Variants in STRA8 observed in about 807,000 individuals in gnomAD.
STRA8 encodes stimulated by retinoic acid gene 8 protein homolog.
STRA8 carries 18 observed loss-of-function variants against 37.1 expected under a neutral mutation model. The ratio of observed to expected loss-of-function variants is 0.48; its 90% CI spans 0.34 to 0.72. The LOEUF is 0.72. STRA8 is among the 30% of genes least tolerant of loss of function. STRA8 has a pLI of 0.01. For synonymous variants in STRA8, 168 were observed against 162.9 expected (o/e 1.03, Z -0.24); for missense variants, 357 against 410.4 (o/e 0.87, Z 1.13).
At chr7:135,243,684 A>G (rs961437279) in intron 4 of STRA8, among the ~76,000 whole-genome samples, 5 of 152,388 alleles carry the variant, frequency 3.3e-5, no homozygotes, top group African/African-American at 4.8e-5. Flanking sequence ...CCAGAACTCA[A>G]AGAAAATCAA....
At chr7:135,256,087 C>T (rs1258312037) in intron 8 of STRA8, among the ~76,000 whole-genome samples, 1 of 152,168 alleles carries the variant, frequency 6.6e-6, no homozygotes, top group Admixed American at 6.5e-5. Context: ...TATACCTGAG[C>T]CACAAGGGGA....
chr7:135,250,270 A>C lies in STRA8; in HGVS notation c.880-1526A>C, dbSNP rs1305145764. Among the ~76,000 whole-genome samples the C allele has an allele frequency of 3.3e-5, 5 of 152,134 alleles. No homozygotes were observed. In the East Asian group the frequency reaches 9.6e-4, roughly 29 times the overall value. On this transcript the variant is annotated intron_variant, in intron 6 of 8. Coordinates refer to ENST00000662584, the MANE Select transcript of STRA8 (RefSeq NM_001394401.1). Reference sequence around the variant, plus strand: ...AGGCTGGCTTGTGAGGGGGATTTGCACAGGTGAGCACAATGTGTGGCCTGC... The same window carrying C: ...AGGCTGGCTTGTGAGGGGGATTTGCCCAGGTGAGCACAATGTGTGGCCTGC...
upstream of STRA8, among the ~76,000 whole-genome samples, chr7:135,232,281 G>A (rs1832304625): frequency 6.6e-6 from 1 of 151,840 alleles, no homozygotes; most frequent in Non-Finnish European, 1.5e-5. Flanking sequence ...GTGGTGGGAG[G>A]TTGGTGGTGG....
intron 2 of STRA8, among the ~76,000 whole-genome samples, 162 bp from the exon 3 acceptor site, chr7:135,242,619 G>C (rs550115753): frequency 6.6e-6 from 1 of 152,338 alleles, no homozygotes. Context: ...TGCCTCCTGT[G>C]CATCAGAACA....
Position 135,242,797 on chromosome 7 carries a change from A to T in STRA8, c.209A>T (p.Lys70Met). The T allele has an allele frequency of 1.9e-6, 3 of 1,614,182 alleles. No homozygotes were observed. The highest frequency in any genetic ancestry group is 2.2e-5 in the South Asian group (2 of 91,080). The change falls in exon 3 of 9, where the codon AAG (lysine) becomes ATG (methionine). Residue 70 changes from lysine (K) to methionine (M), a missense_variant. Lys to Met is a moderately conservative substitution (Grantham distance 95). Coordinates refer to ENST00000662584, the MANE Select transcript of STRA8 (RefSeq NM_001394401.1). ...LIASKWQVLN[K>M]AKSHIPELEQ... ...TATCCTCAGTGGCAGGTTCTGAATA[A>T]GGCAAAGAGTCATATTCCAGAACTG...
chr7:135,237,476 G>T (rs1832394350), intron 1 of STRA8, among the ~76,000 whole-genome samples: 1 of 152,326 alleles, frequency 6.6e-6, no homozygotes, highest in African/African-American at 2.4e-5. Context: ...GAATAAGGCG[G>T]AGGGTCCTGC....
At position 135,246,165 on chromosome 7, in the gene STRA8, G is replaced by A; in HGVS notation, c.594-252G>A. The A allele has an allele frequency of 1.8e-6, 1 of 565,254 alleles. No homozygotes were observed. Among genetic ancestry groups the A allele is most frequent in the Non-Finnish European group, 3.2e-6 (1 of 316,534 alleles). The allele number at this position is 565,254 out of a possible 1,614,324, so 35.0% of individuals were successfully genotyped here. On this transcript the variant is annotated intron_variant, in intron 5 of 8. Transcript: ENST00000662584. The surrounding 1 kb of genome is among the most constrained non-coding windows in gnomAD (Gnocchi z 5.4). ...CTCTTATCTGCTTCTGTCTAACACA[G>A]AAGGCTTCATGGGGCAGGGACTGGG...
At position 135,246,757 on chromosome 7, in the gene STRA8, C is replaced by A; in HGVS notation, c.879+55C>A. On this transcript the variant is annotated intron_variant, in intron 6 of 8. Transcript: ENST00000662584. The surrounding 1 kb of genome is among the most constrained non-coding windows in gnomAD (Gnocchi z 5.4). ...GGGGCACGGGAACCACCCTCGCCCTCGCCTGGGGACACCAGGGCTTTGCAT... is the reference window on the plus strand; with the variant it reads ...GGGGCACGGGAACCACCCTCGCCCTAGCCTGGGGACACCAGGGCTTTGCAT... The A allele has an allele frequency of 6.9e-7, 1 of 1,457,564 alleles. No individual in the cohort carries two copies. Among genetic ancestry groups the A allele is most frequent in the South Asian group, 1.4e-5 (1 of 73,352 alleles). 90.3% of individuals were successfully genotyped at this position (1,457,564 alleles called of 1,614,324 possible).
intron 4 of STRA8, among the ~76,000 whole-genome samples, chr7:135,243,936 C>T (rs946783188): frequency 1.3e-5 from 2 of 152,226 alleles, no homozygotes; most frequent in African/African-American, 2.4e-5. Flanking sequence ...AACCATGGTA[C>T]ACCCAGGTGT....
At chr7:135,239,756 A>G (rs1057371841) in intron 1 of STRA8, among the ~76,000 whole-genome samples, 20 of 152,320 alleles carry the variant, frequency 1.3e-4, no homozygotes, top group African/African-American at 4.8e-4. Context: ...GCTCAGATGT[A>G]ACAAAGAAGG....
At position 135,246,392 on chromosome 7, in the gene STRA8, C is replaced by T. The variant is rs779549829; in HGVS notation, c.594-25C>T. ...GCTTCGAGAGGGAGCTTTAGGGGTG[C>T]GAGACGGCGCCGCTTCTGTTCCAGG... is the stretch of plus-strand genomic sequence containing the variant. On this transcript the variant is annotated intron_variant, in intron 5 of 8. Coordinates refer to ENST00000662584, the MANE Select transcript of STRA8 (RefSeq NM_001394401.1). This position sits in a 1 kb window ranked among gnomAD's most constrained non-coding sequence, Gnocchi z 5.4. The T allele has an allele frequency of 8.8e-6, 14 of 1,584,494 alleles. No homozygotes were observed. In the East Asian group the frequency reaches 2.3e-4, roughly 26 times the overall value.
At chr7:135,249,060 A>G (rs1397039706) in intron 6 of STRA8, among the ~76,000 whole-genome samples, 2 of 152,224 alleles carry the variant, frequency 1.3e-5, no homozygotes, top group African/African-American at 4.8e-5. Flanking sequence ...CAAGCCCTGG[A>G]GTCTCACATG....
intron 4 of STRA8, among the ~76,000 whole-genome samples, chr7:135,244,353 C>T (rs1375313818): frequency 6.6e-6 from 1 of 152,210 alleles, no homozygotes; most frequent in Non-Finnish European, 1.5e-5. Flanking sequence ...CTACCACGCC[C>T]AGCTGAGCTT....
chr7:135,233,748 T>C (rs1287532951), upstream of STRA8, among the ~76,000 whole-genome samples: 1 of 152,154 alleles, frequency 6.6e-6, no homozygotes, highest in Non-Finnish European at 1.5e-5. Context: ...CCATTGGCTG[T>C]GGCGGCCAGG....
chr7:135,232,068 C>G, upstream of STRA8: 1 of 1,610,050 alleles, frequency 6.2e-7, no homozygotes, highest in Non-Finnish European at 8.5e-7. Context: ...ACTTTCCCCC[C>G]AGGACTACAT....
chr7:135,258,259 C>T (rs113655963), intron 8 of STRA8, among the ~76,000 whole-genome samples, 159 bp from the exon 9 acceptor site: 6,038 of 152,228 alleles, frequency 0.04, 402 homozygotes, highest in African/African-American at 0.14. Context: ...CCCTTAGAGC[C>T]CTTGCTTCCT....
At chr7:135,242,497 G>A (rs545816720) in intron 2 of STRA8, among the ~76,000 whole-genome samples, 1 of 152,184 alleles carries the variant, frequency 6.6e-6, no homozygotes, top group Non-Finnish European at 1.5e-5. Flanking sequence ...AGCCGCCTCT[G>A]TAGTCATTTG....
rs908119648 is a variant in STRA8 at position 135,246,359 on chromosome 7, C to T, written c.594-58C>T. On this transcript the variant is annotated intron_variant, in intron 5 of 8. Transcript: ENST00000662584. This position sits in a 1 kb window ranked among gnomAD's most constrained non-coding sequence, Gnocchi z 5.4. ...CTGGGGTCCACACCATGAACCGAAT[C>T]CCGAATCGCTTCGAGAGGGAGCTTT... 4 of 1,558,736 alleles carry T rather than the reference C, an allele frequency of 2.6e-6. No individual in the cohort carries two copies. Among genetic ancestry groups the T allele is most frequent in the South Asian group, 2.4e-5 (2 of 84,304 alleles).
At chr7:135,232,142 C>A, upstream of STRA8, 2 of 1,099,122 alleles carry the variant, frequency 1.8e-6, no homozygotes, top group South Asian at 1.3e-5. Flanking sequence ...GGGGTGACTA[C>A]ATGAAAGGTT....
Sources: allele counts gnomAD v4.1 joint callset (sites outside exome capture counted in the v4.1 genomes callset), GRCh38; gene constraint gnomAD v4.1.1; non-coding constraint Gnocchi (gnomAD v3.1); transcripts MANE v1.5; gene names NCBI Gene and HGNC (gene_info 2026-07-23, HGNC 2026-07-21).